XKR6: variants seen among roughly 807,000 people sequenced by gnomAD.
XKR6 encodes the protein XK related 6.
Under a neutral mutation model 56.7 loss-of-function variants are expected in XKR6, and 22 were observed. That is an observed-to-expected ratio of 0.39 (90% confidence interval 0.28 to 0.55). The LOEUF is 0.55. XKR6 is among the 20% of genes least tolerant of loss of function. The pLI is 0.66. For missense variants in XKR6, 852 were observed against 889.0 expected (o/e 0.96, Z 0.53); for synonymous variants, 524 against 387.8 (o/e 1.35, Z -4.13).
chr8:10,964,778 G>A (rs1005439781), intron 1 of XKR6, among the ~76,000 whole-genome samples: 3 of 152,166 alleles, frequency 2.0e-5, no homozygotes, highest in Non-Finnish European at 2.9e-5. Context: ...GGGCCCACTC[G>A]CGCTGCCAGA....
intron 1 of XKR6, among the ~76,000 whole-genome samples, chr8:11,080,988 A>C (rs1368348235): frequency 6.6e-6 from 1 of 152,262 alleles, no homozygotes; most frequent in African/African-American, 2.4e-5. Flanking sequence ...CAAATAATCA[A>C]GAAGAAAACT....
At chr8:10,960,416 G>A (rs749100810) in intron 1 of XKR6, among the ~76,000 whole-genome samples, 22 of 152,314 alleles carry the variant, frequency 1.4e-4, no homozygotes, top group Non-Finnish European at 3.1e-4. Flanking sequence ...TGGTCAAGAT[G>A]CATGCTTACT....
At chr8:10,949,974 C>G (rs561316073) in intron 1 of XKR6, among the ~76,000 whole-genome samples, 1 of 152,170 alleles carries the variant, frequency 6.6e-6, no homozygotes, top group Non-Finnish European at 1.5e-5. Flanking sequence ...CCTGGCTCCT[C>G]TGCATGAAAA....
chr8:11,190,285 T>G (rs6986766), intron 1 of XKR6, among the ~76,000 whole-genome samples: 18,856 of 145,320 alleles, frequency 0.13, 1,344 homozygotes, highest in African/African-American at 0.2. Context: ...GAAAGGAAAA[T>G]AAAAGAAAAG....
At chr8:11,140,978 T>C (rs1269246190) in intron 1 of XKR6, among the ~76,000 whole-genome samples, 1 of 148,986 alleles carries the variant, frequency 6.7e-6, no homozygotes, top group African/African-American at 2.5e-5. Flanking sequence ...CAAAGACATA[T>C]ATGAAAGACT....
intron 1 of XKR6, among the ~76,000 whole-genome samples, chr8:11,016,962 G>C (rs1412468613): frequency 6.6e-6 from 1 of 152,228 alleles, no homozygotes; most frequent in Non-Finnish European, 1.5e-5. Context: ...AGAGAGATTA[G>C]ATAGAGATTA....
At chr8:10,921,226 C>A (rs1448763877) in intron 2 of XKR6, among the ~76,000 whole-genome samples, 1 of 152,250 alleles carries the variant, frequency 6.6e-6, no homozygotes. Context: ...TGTTTATAAT[C>A]TGAGAAACTA....
chr8:11,114,512 C>T (rs1007115005), intron 1 of XKR6, among the ~76,000 whole-genome samples: 3 of 152,142 alleles, frequency 2.0e-5, no homozygotes, highest in African/African-American at 7.2e-5. Context: ...CAGGTGCCCA[C>T]CACCATGCCT....
intron 1 of XKR6, among the ~76,000 whole-genome samples, chr8:11,050,671 G>C (rs1460733602): frequency 6.6e-6 from 1 of 152,114 alleles, no homozygotes; most frequent in Non-Finnish European, 1.5e-5. Context: ...AACACTTGTG[G>C]ATATTTTTCT....
At chr8:11,116,038 G>C (rs1016234972) in intron 1 of XKR6, among the ~76,000 whole-genome samples, 1 of 152,184 alleles carries the variant, frequency 6.6e-6, no homozygotes, top group African/African-American at 2.4e-5. Context: ...AGTCATATCT[G>C]GGTTTTAAGC....
chr8:10,994,298 C>T (rs1369919913), intron 1 of XKR6, among the ~76,000 whole-genome samples: 1 of 152,246 alleles, frequency 6.6e-6, no homozygotes, highest in Non-Finnish European at 1.5e-5. Context: ...GAGTCAGCCT[C>T]GGCTAAGCCA....
rs1306768987 is a variant in XKR6, at chr8:11,099,512, T to C, written c.764+101064A>G. ...GCAGCCCTGCCTGGAGAGCGAGCTC[T>C]GAGATCAGCTCCTCTCTTACAGTCG... On this transcript the variant is annotated intron_variant, in intron 1 of 2. Transcript: ENST00000416569. Among the ~76,000 whole-genome samples, 3 of 152,224 alleles carry C rather than the reference T, an allele frequency of 2.0e-5. No individual in the cohort carries two copies. The East Asian group carries it at 5.8e-4, about 29-fold the overall frequency.
intron 1 of XKR6, among the ~76,000 whole-genome samples, chr8:11,148,251 G>C (rs1220754273): frequency 6.6e-6 from 1 of 152,040 alleles, no homozygotes; most frequent in Non-Finnish European, 1.5e-5. Flanking sequence ...CTAAAATGAG[G>C]CTATCATGGT....
intron 2 of XKR6, among the ~76,000 whole-genome samples, chr8:10,912,336 ATATATATG>A (rs1290756508): frequency 2.5e-5 from 3 of 118,022 alleles, no homozygotes; most frequent in African/African-American, 6.8e-5. Context: ...ATATATATAT[ATATATATG>A]GAGAGAGAGA....
At chr8:11,071,350 G>A (rs777305450) in intron 1 of XKR6, among the ~76,000 whole-genome samples, 2 of 152,214 alleles carry the variant, frequency 1.3e-5, no homozygotes, top group African/African-American at 2.4e-5. Flanking sequence ...AGGGACTCTC[G>A]TGCCTCAGCC....
intron 1 of XKR6, among the ~76,000 whole-genome samples, chr8:11,141,492 A>G (rs1034576144): frequency 6.6e-6 from 1 of 152,236 alleles, no homozygotes; most frequent in Non-Finnish European, 1.5e-5. Context: ...GCTGTAATAC[A>G]TAAGAGATGA....
intron 1 of XKR6, among the ~76,000 whole-genome samples, chr8:10,983,407 T>G (rs1168197642): frequency 2.0e-5 from 3 of 152,014 alleles, no homozygotes; most frequent in Non-Finnish European, 2.9e-5. Flanking sequence ...AAAGATCAAT[T>G]TGTAAACCTG....
chr8:10,972,097 T>A (rs1320094180), intron 1 of XKR6, among the ~76,000 whole-genome samples: 6 of 152,166 alleles, frequency 3.9e-5, no homozygotes, highest in Non-Finnish European at 8.8e-5. Flanking sequence ...GCCAATCGCC[T>A]CTGGCTGGAA....
chr8:11,127,714 T>C (rs1457692891), intron 1 of XKR6, among the ~76,000 whole-genome samples: 1 of 152,176 alleles, frequency 6.6e-6, no homozygotes, highest in Non-Finnish European at 1.5e-5. Context: ...GATAACTGCT[T>C]CATCCCCAAA....
Sources: allele counts gnomAD v4.1 joint callset (sites outside exome capture counted in the v4.1 genomes callset), GRCh38; gene constraint gnomAD v4.1.1; transcripts MANE v1.5; gene names NCBI Gene and HGNC (gene_info 2026-07-23, HGNC 2026-07-21).